Variants in C13orf42 observed in about 807,000 individuals in gnomAD.
C13orf42 encodes the protein chromosome 13 open reading frame 42.
At chr13:51,142,715 C>A (rs910171958) in intron 1 of C13orf42, among the ~76,000 whole-genome samples, 1 of 149,322 alleles carries the variant, frequency 6.7e-6, no homozygotes, top group Non-Finnish European at 1.5e-5. Flanking sequence ...TAAAAGGAAC[C>A]AGGAACTAAA....
At chr13:51,090,866 C>T (rs1175644280) in intron 1 of C13orf42, among the ~76,000 whole-genome samples, 8 of 152,284 alleles carry the variant, frequency 5.3e-5, no homozygotes, top group Non-Finnish European at 1.5e-5. Flanking sequence ...CTGAGGATAA[C>T]ATTTATAAAC....
At chr13:51,111,959 C>T (rs1469596292), upstream of C13orf42, among the ~76,000 whole-genome samples, 2 of 152,202 alleles carry the variant, frequency 1.3e-5, no homozygotes, top group Admixed American at 6.5e-5. Flanking sequence ...ATCCGGACCA[C>T]GACTTTTTGC....
chr13:51,162,715 C>T (rs958289846), intron 1 of C13orf42, among the ~76,000 whole-genome samples: 7 of 152,268 alleles, frequency 4.6e-5, no homozygotes, highest in African/African-American at 1.7e-4. Context: ...CACCTAAATG[C>T]AACTGGGCTG....
At chr13:51,146,003 C>T (rs1048139269) in intron 1 of C13orf42, among the ~76,000 whole-genome samples, 4 of 152,256 alleles carry the variant, frequency 2.6e-5, no homozygotes, top group South Asian at 4.1e-4. Flanking sequence ...CTCAACTTTT[C>T]GGGGTTCATA....
chr13:51,138,870 T>C (rs1953676658), intron 1 of C13orf42, among the ~76,000 whole-genome samples: 1 of 152,154 alleles, frequency 6.6e-6, no homozygotes, highest in Non-Finnish European at 1.5e-5. Flanking sequence ...ATAATGAATA[T>C]ATATACACAT....
chr13:51,155,736 A>T (rs1953819660), intron 1 of C13orf42, among the ~76,000 whole-genome samples: 1 of 152,210 alleles, frequency 6.6e-6, no homozygotes, highest in Non-Finnish European at 1.5e-5. Flanking sequence ...TTCCATTCAA[A>T]GACAATCTCA....
intron 1 of C13orf42, among the ~76,000 whole-genome samples, chr13:51,149,552 T>C (rs190102017): frequency 6.6e-6 from 1 of 152,188 alleles, no homozygotes; most frequent in Admixed American, 6.5e-5. Context: ...CTGAAAAAAA[T>C]ATCCTTTGGT....
intron 1 of C13orf42, among the ~76,000 whole-genome samples, chr13:51,101,421 T>G (rs1225418223): frequency 6.6e-6 from 1 of 152,218 alleles, no homozygotes; most frequent in Non-Finnish European, 1.5e-5. Flanking sequence ...GCGTGTGTTT[T>G]TGATGGTGGG....
At chr13:51,147,684 G>A (rs529425485) in intron 1 of C13orf42, among the ~76,000 whole-genome samples, 20 of 151,474 alleles carry the variant, frequency 1.3e-4, no homozygotes, top group Non-Finnish European at 2.2e-4. Flanking sequence ...AGCTGATATC[G>A]CACCATTGCA....
At chr13:51,160,083 C>T (rs1483199296) in intron 1 of C13orf42, among the ~76,000 whole-genome samples, 4 of 152,332 alleles carry the variant, frequency 2.6e-5, no homozygotes, top group African/African-American at 9.6e-5. Flanking sequence ...CCCCCTGGGT[C>T]CCTCCCACAA....
intron 1 of C13orf42, among the ~76,000 whole-genome samples, chr13:51,156,976 T>C (rs1341140910): frequency 6.6e-6 from 1 of 152,186 alleles, no homozygotes; most frequent in Non-Finnish European, 1.5e-5. Flanking sequence ...TAGTGGTGCT[T>C]TTTCTATAGT....
chr13:51,155,373 T>G (rs1442806536), intron 1 of C13orf42, among the ~76,000 whole-genome samples: 3 of 152,248 alleles, frequency 2.0e-5, no homozygotes, highest in African/African-American at 7.2e-5. Context: ...GAGGAGCTCC[T>G]AACCCAATTT....
chr13:51,168,686 A>G (rs1206408340), intron 1 of C13orf42, among the ~76,000 whole-genome samples: 1 of 152,204 alleles, frequency 6.6e-6, no homozygotes, highest in Non-Finnish European at 1.5e-5. Flanking sequence ...ACCAACTAAT[A>G]TGGTTTGAAT....
intron 1 of C13orf42, among the ~76,000 whole-genome samples, chr13:51,109,133 C>T (rs577960126): frequency 5.9e-5 from 9 of 152,348 alleles, no homozygotes; most frequent in African/African-American, 2.2e-4. Flanking sequence ...ACAGAGTCAG[C>T]ACCAGGACTC....
At chr13:51,114,645 TAGAGATAGACAGACAGACAGAC>T (rs1953469367), upstream of C13orf42, among the ~76,000 whole-genome samples, 18 of 120,530 alleles carry the variant, frequency 1.5e-4, no homozygotes, top group South Asian at 1.8e-3. Context: ...GATAGATAGA[TAGAGATAGACAGACAGACAGAC>T]AGACAGACAG....
chr13:51,143,835 G>A (rs568869025), intron 1 of C13orf42, among the ~76,000 whole-genome samples: 56 of 152,146 alleles, frequency 3.7e-4, no homozygotes, highest in African/African-American at 1.2e-3. Flanking sequence ...AAAATTATAC[G>A]GGAAGCATTG....
chr13:51,122,202 A>T (rs1953540982), intron 1 of C13orf42, among the ~76,000 whole-genome samples: 1 of 152,096 alleles, frequency 6.6e-6, no homozygotes, highest in African/African-American at 2.4e-5. Flanking sequence ...TAAAGAATAT[A>T]TATCAGAAAT....
chr13:51,087,742 C>A (rs1415643605), intron 2 of C13orf42, among the ~76,000 whole-genome samples, 186 bp downstream of exon 2: 1 of 152,186 alleles, frequency 6.6e-6, no homozygotes, highest in Non-Finnish European at 1.5e-5. Context: ...AGTAAGAGAT[C>A]CCCACAGAGG....
At chr13:51,100,102 C>CAA (rs1156273825) in intron 1 of C13orf42, among the ~76,000 whole-genome samples, 13 of 150,964 alleles carry the variant, frequency 8.6e-5, no homozygotes, top group African/African-American at 3.2e-4. Flanking sequence ...CGGGAAAATT[C>CAA]AAGTTGTGTT....
Sources: allele counts gnomAD v4.1 joint callset (sites outside exome capture counted in the v4.1 genomes callset), GRCh38; gene constraint gnomAD v4.1.1; transcripts MANE v1.5; gene names NCBI Gene and HGNC (gene_info 2026-07-23, HGNC 2026-07-21).